The following CHL1 variants were observed in gnomAD, a reference collection of about 807,000 sequenced individuals.
CHL1 encodes cell adhesion molecule L1 like, also known as neural cell adhesion molecule L1-like protein.
A neutral mutation model predicts 141.9 loss-of-function variants in CHL1; 96 were observed. That is an observed-to-expected ratio of 0.68 (90% confidence interval 0.57 to 0.80). The LOEUF (loss-of-function observed/expected upper bound fraction) is 0.80, where lower values mean the gene tolerates loss of function less well. CHL1 is among the 30% of genes least tolerant of loss of function. The pLI, the probability that CHL1 is intolerant of heterozygous loss-of-function variation, is 0.00. For synonymous variants in CHL1, 613 were observed against 502.2 expected (o/e 1.22, Z -2.95); for missense variants, 1,820 against 1,457.2 (o/e 1.25, Z -4.05).
intron 2 of CHL1, among the ~76,000 whole-genome samples, chr3:290,635 G>A (rs1293023400): frequency 6.6e-6 from 1 of 152,134 alleles, no homozygotes; most frequent in Non-Finnish European, 1.5e-5. Flanking sequence ...CCCTGGCCCT[G>A]TTCCTAGAGT....
intron 3 of CHL1, among the ~76,000 whole-genome samples, chr3:322,734 C>T (rs1378645228): frequency 6.8e-6 from 1 of 146,420 alleles, no homozygotes; most frequent in African/African-American, 2.5e-5. Flanking sequence ...GTCCTAGCTA[C>T]TTGGGAGGCT....
intron 19 of CHL1, among the ~76,000 whole-genome samples, 180 bp downstream of exon 19, chr3:384,066 T>G (rs1707378044): frequency 2.0e-5 from 3 of 152,212 alleles, no homozygotes; most frequent in Admixed American, 1.3e-4. Flanking sequence ...AATGATGTTA[T>G]GAAATCGAGT....
intron 2 of CHL1, among the ~76,000 whole-genome samples, chr3:268,412 G>A (rs141404084): frequency 6.6e-6 from 1 of 152,230 alleles, no homozygotes; most frequent in African/African-American, 2.4e-5. Flanking sequence ...GTGGGCACCT[G>A]TAATCCCAGC....
intron 10 of CHL1, among the ~76,000 whole-genome samples, chr3:350,446 T>A (rs1703144976): frequency 6.6e-6 from 1 of 152,168 alleles, no homozygotes; most frequent in African/African-American, 2.4e-5. Flanking sequence ...TGTACTTATT[T>A]AGTGCAGTGT....
At chr3:274,163 T>G (rs576196696) in intron 2 of CHL1, among the ~76,000 whole-genome samples, 1 of 152,288 alleles carries the variant, frequency 6.6e-6, no homozygotes, top group African/African-American at 2.4e-5. Flanking sequence ...TTTTCCCTCC[T>G]TGACTAACTA....
At chr3:226,120 A>C (rs1215639310) in intron 1 of CHL1, among the ~76,000 whole-genome samples, 4 of 150,638 alleles carry the variant, frequency 2.7e-5, no homozygotes, top group Non-Finnish European at 4.4e-5. Flanking sequence ...CGTCAGGTTC[A>C]AGTGATTCTC....
intron 23 of CHL1, 35 bp downstream of exon 23, chr3:391,832 A>T (rs1708252985): frequency 6.5e-7 from 1 of 1,529,186 alleles, no homozygotes. Flanking sequence ...TAACTTGTTA[A>T]TGTTTCATTT....
intron 2 of CHL1, among the ~76,000 whole-genome samples, chr3:254,340 A>G (rs1030998576): frequency 7.9e-5 from 12 of 152,176 alleles, no homozygotes; most frequent in Admixed American, 3.3e-4. Context: ...CCAACCTGCT[A>G]TGGTAATTTT....
chr3:293,920 C>A (rs552311676), intron 2 of CHL1, among the ~76,000 whole-genome samples: 1 of 151,804 alleles, frequency 6.6e-6, no homozygotes, highest in African/African-American at 2.4e-5. Context: ...TGCCACCACA[C>A]CCAGCTAATT....
intron 2 of CHL1, among the ~76,000 whole-genome samples, chr3:286,027 TA>T (rs1697102832): frequency 3.3e-5 from 5 of 152,182 alleles, no homozygotes; most frequent in Admixed American, 3.3e-4. Flanking sequence ...ATGAACATAA[TA>T]TGTAATGAAT....
At chr3:247,235 C>T (rs996736182) in intron 2 of CHL1, 1 of 151,752 alleles carries the variant, frequency 6.6e-6, no homozygotes, top group African/African-American at 2.4e-5. Flanking sequence ...GGGCTTGGCT[C>T]CTGTACCCTG....
At chr3:223,721 G>A (rs1308441818) in intron 1 of CHL1, among the ~76,000 whole-genome samples, 1 of 152,160 alleles carries the variant, frequency 6.6e-6, no homozygotes, top group Non-Finnish European at 1.5e-5. Flanking sequence ...AGAAGGACTG[G>A]ATTTATTATT....
intron 5 of CHL1, among the ~76,000 whole-genome samples, chr3:337,253 C>T (rs1355162869): frequency 7.2e-6 from 1 of 138,498 alleles, no homozygotes; most frequent in Admixed American, 8.0e-5. Flanking sequence ...GGCAGTGGCA[C>T]AATCTCTGCT....
chr3:334,439 C>A (rs1047089686), intron 5 of CHL1, among the ~76,000 whole-genome samples: 19 of 152,276 alleles, frequency 1.2e-4, no homozygotes, highest in African/African-American at 4.6e-4. Flanking sequence ...TGCAGTCACT[C>A]TCTGTTCCCA....
chr3:302,684 T>G (rs1383386373), intron 2 of CHL1, among the ~76,000 whole-genome samples: 2 of 152,306 alleles, frequency 1.3e-5, no homozygotes, highest in East Asian at 3.9e-4. Context: ...TTTCTCCCAA[T>G]CTGTAGGTTG....
chr3:377,090 C>T (rs775379581), intron 15 of CHL1, among the ~76,000 whole-genome samples: 18 of 152,082 alleles, frequency 1.2e-4, no homozygotes, highest in African/African-American at 2.9e-4. Context: ...TTAAATTTTA[C>T]GGAACTTGAA....
rs1332219749 is a variant in CHL1 at position 289,960 on chromosome 3, A to C, written c.-94-29723A>C. On this transcript the variant is annotated intron_variant, in intron 2 of 27. Coordinates refer to ENST00000256509, the MANE Select transcript of CHL1 (RefSeq NM_006614.4). ...TTTTTTTTTTTTTTTTTTGAGATGG[A>C]GTCTCACTCTATCACCCAGGGTGGA... Among the ~76,000 whole-genome samples, 4 of 106,994 alleles carry C rather than the reference A, an allele frequency of 3.7e-5. No homozygotes were observed. In the East Asian group the frequency reaches 1.1e-3, roughly 31 times the overall value. The allele number at this position is 106,994 out of a possible 152,430, so 70.2% of individuals were successfully genotyped here.
chr3:278,271 C>G lies in CHL1; in HGVS notation c.-95+33579C>G, dbSNP rs189398152. Among the ~76,000 whole-genome samples, 931 of 152,326 alleles carry G rather than the reference C, an allele frequency of 6.1e-3. 5 individuals carry two copies. Among genetic ancestry groups the G allele is most frequent in the Non-Finnish European group, 7.5e-3 (509 of 68,036 alleles). ...TGATTTTAACCTTTCCAGACATTCTCTTTGGGGTCGGTTTTCCTTGTGGCC... is the reference window on the plus strand; with the variant it reads ...TGATTTTAACCTTTCCAGACATTCTGTTTGGGGTCGGTTTTCCTTGTGGCC... On this transcript the variant is annotated intron_variant, in intron 2 of 27. Coordinates refer to ENST00000256509, the MANE Select transcript of CHL1 (RefSeq NM_006614.4).
Position 408,704 on chromosome 3 carries a change from A to G in CHL1, c.*2993A>G, listed in dbSNP as rs1709681373. ...ATAAATCTACTGTTTAGTGAGCAGT[A>G]TGATTTGTACATGCCATTGAAAATT... is the stretch of plus-strand genomic sequence containing the variant. On this transcript the variant is annotated 3_prime_UTR_variant, in exon 28 of 28. Coordinates refer to ENST00000256509, the MANE Select transcript of CHL1 (RefSeq NM_006614.4). 1 of 152,144 alleles carries G rather than the reference A, an allele frequency of 6.6e-6. No homozygotes were observed. The allele number at this position is 152,144 out of a possible 1,614,324, so 9.4% of individuals were successfully genotyped here. A position where few individuals can be genotyped will look rare whatever the true frequency, so the allele number is the denominator to read the frequency against.
Sources: gnomAD v4.1 joint callset for allele counts (sites outside exome capture counted in the v4.1 genomes callset) on GRCh38, gnomAD v4.1.1 for gene constraint, MANE v1.5 for transcripts, NCBI Gene and HGNC (gene_info 2026-07-23, HGNC 2026-07-21) for gene names.